The following BCLAF3 variants were observed in gnomAD, a reference collection of about 807,000 sequenced individuals.
BCLAF3 encodes the protein BCLAF1 and THRAP3 family member 3.
In BCLAF3, 24 loss-of-function variants were observed where a neutral mutation model predicts 51.2. The ratio of observed to expected loss-of-function variants is 0.47; its 90% CI spans 0.34 to 0.66. The LOEUF (loss-of-function observed/expected upper bound fraction) is 0.66, where lower values mean the gene tolerates loss of function less well. Among genes scored for constraint, BCLAF3 ranks in the 30% least tolerant of loss-of-function variants. BCLAF3 has a pLI of 0.01. For synonymous variants in BCLAF3, 152 were observed against 176.6 expected (o/e 0.86, Z 1.10); for missense variants, 465 against 525.1 (o/e 0.89, Z 1.12).
chrX:19,949,611 A>G (rs1413514557), intron 8 of BCLAF3, among the ~76,000 whole-genome samples: 1 of 111,499 alleles, frequency 9.0e-6, no homozygotes, highest in Non-Finnish European at 1.9e-5. Context: ...AAGGGACAAC[A>G]TTTTTACTCT....
intron 1 of BCLAF3, among the ~76,000 whole-genome samples, chrX:19,988,920 G>A (rs929571587): frequency 4.5e-5 from 5 of 111,873 alleles, no homozygotes; most frequent in African/African-American, 1.3e-4. Context: ...TAAAAGATGA[G>A]AAGCTGAAGT....
intron 11 of BCLAF3, chrX:19,929,581 T>C: frequency 2.9e-6 from 1 of 344,509 alleles, no homozygotes; most frequent in Non-Finnish European, 5.0e-6. Context: ...GCATAATGCC[T>C]AAAAGCATTT....
At chrX:19,948,572 C>A (rs2071382589) in intron 8 of BCLAF3, among the ~76,000 whole-genome samples, 5 of 109,171 alleles carry the variant, frequency 4.6e-5, no homozygotes, top group Admixed American at 3.9e-4. Context: ...TTGAGACCAG[C>A]CTGGGCAACA....
chrX:19,941,502 T>G (rs1441788991), intron 8 of BCLAF3, among the ~76,000 whole-genome samples: 1 of 105,082 alleles, frequency 9.5e-6, no homozygotes, highest in Non-Finnish European at 1.9e-5. Flanking sequence ...CTAGCCAGTT[T>G]TCCCAGCACC....
At chrX:19,984,072 CAAAAAAA>C (rs1168246147) in intron 1 of BCLAF3, among the ~76,000 whole-genome samples, 2 of 15,424 alleles carry the variant, frequency 1.3e-4, no homozygotes, top group East Asian at 2.2e-3. Context: ...GACTCCATCT[CAAAAAAA>C]AAAAAAAAAA....
In BCLAF3 at chrX:19,955,398, T is replaced by G. The variant is rs1282007409; in HGVS notation, c.1443A>C (p.Gln481His). The change falls in exon 5 of 12, where the codon CAA (glutamine) becomes CAC (histidine). Residue 481 changes from glutamine (Q) to histidine (H), a missense_variant. Transcript: ENST00000379682. ...TGTGCAAAATATACCAACCTTTAAC[T>G]TGATGGATTATTGTTATGATTTCCT... ...FAQEIITIIHQVKANYFPSPG... is the reference protein window; with the variant it reads ...FAQEIITIIHHVKANYFPSPG... 3 of 1,191,899 alleles carry G rather than the reference T, an allele frequency of 2.5e-6. No homozygotes were observed. Among genetic ancestry groups the G allele is most frequent in the African/African-American group, 1.8e-5 (1 of 56,317 alleles).
chrX:19,955,537 T>C lies in BCLAF3; in HGVS notation c.1304A>G (p.Gln435Arg). 8.3e-7 allele frequency: 1 copy of C among 1,199,461 alleles called. No individual in the cohort carries two copies. The highest frequency in any genetic ancestry group is 1.1e-6 in the Non-Finnish European group (1 of 891,022). The stretch of plus-strand genomic sequence containing the variant: ...AACAGCAACCAAATCATGTGACATC[T>C]GTCTCTCTGTGGAATAGCTAGAAGC... Reference protein sequence around the residue: ...RVASSYSTERQMSHDLVAVGR... With the variant: ...RVASSYSTERRMSHDLVAVGR... The change falls in exon 5 of 12, where the codon CAG becomes CGG. Residue 435 changes from glutamine (Q) to arginine (R), a missense_variant. Gln to Arg is a conservative substitution (Grantham distance 43). Transcript: ENST00000379682.
intron 7 of BCLAF3, among the ~76,000 whole-genome samples, chrX:19,951,578 A>T (rs1450560952): frequency 1.2e-5 from 1 of 83,124 alleles, no homozygotes; most frequent in East Asian, 3.1e-4. Flanking sequence ...CCAGGGTGAC[A>T]GAGTGAGACT....
intron 2 of BCLAF3, 67 bp from the exon 3 acceptor site, chrX:19,966,716 C>A: frequency 2.1e-6 from 2 of 959,219 alleles, no homozygotes; most frequent in Non-Finnish European, 1.4e-6. Flanking sequence ...TATGACCTAC[C>A]AAAAACAGTT....
At chrX:19,936,580 C>T (rs1452143916) in intron 9 of BCLAF3, among the ~76,000 whole-genome samples, 4 of 111,603 alleles carry the variant, frequency 3.6e-5, no homozygotes, top group African/African-American at 1.3e-4. Context: ...CCCAGTGATC[C>T]GACCAATTAT....
At chrX:19,951,452 C>T (rs956209126) in intron 7 of BCLAF3, among the ~76,000 whole-genome samples, 8 of 107,033 alleles carry the variant, frequency 7.5e-5, no homozygotes, top group East Asian at 5.9e-4. Context: ...AAAAATTAGC[C>T]GGGCATGGTG....
intron 7 of BCLAF3, among the ~76,000 whole-genome samples, chrX:19,951,326 A>G (rs183618177): frequency 9.0e-6 from 1 of 111,465 alleles, no homozygotes; most frequent in East Asian, 2.8e-4. Flanking sequence ...GGCCGGGCGC[A>G]GTGGCTCATG....
In BCLAF3 at chrX:19,916,835, A is replaced by T. The variant is rs1185774373; in HGVS notation, c.*470T>A. 1.7e-5 allele frequency: 2 copies of T among 115,650 alleles called. No individual in the cohort carries two copies. Among genetic ancestry groups the T allele is most frequent in the Non-Finnish European group, 3.6e-5 (2 of 55,675 alleles). The allele number at this position is 115,650 out of a possible 1,213,427, so 9.5% of individuals were successfully genotyped here. On this transcript the variant is annotated 3_prime_UTR_variant, in exon 12 of 12. Transcript: ENST00000379682. ...AAACTTAAGAAAACTTCGAGTTATA[A>T]GCCAAAATGTCATCAGAAAAAGAAA...
intron 8 of BCLAF3, among the ~76,000 whole-genome samples, chrX:19,938,837 G>A (rs2070883229): frequency 8.9e-6 from 1 of 112,669 alleles, no homozygotes; most frequent in Non-Finnish European, 1.9e-5. Flanking sequence ...CCTCTTCAAG[G>A]AAGAGTTTCC....
At chrX:19,930,247 G>A (rs371817190) in intron 10 of BCLAF3, 4 of 158,782 alleles carry the variant, frequency 2.5e-5, no homozygotes, top group Non-Finnish European at 4.7e-5. Flanking sequence ...GGAGGCGGAC[G>A]TTGCAGCGAG....
intron 10 of BCLAF3, among the ~76,000 whole-genome samples, chrX:19,933,865 G>A (rs1310660029): frequency 9.0e-6 from 1 of 111,514 alleles, no homozygotes; most frequent in East Asian, 2.8e-4. Context: ...CTGCCTCCCA[G>A]GCTGAAGCGA....
chrX:19,983,792 G>A (rs934197678), intron 1 of BCLAF3, among the ~76,000 whole-genome samples: 1 of 109,927 alleles, frequency 9.1e-6, no homozygotes, highest in Non-Finnish European at 1.9e-5. Context: ...TAGGCAGCTG[G>A]GCAAGGTGGC....
chrX:19,926,383 T>C (rs183171614), intron 11 of BCLAF3, among the ~76,000 whole-genome samples: 1 of 111,272 alleles, frequency 9.0e-6, no homozygotes, highest in Non-Finnish European at 1.9e-5. Flanking sequence ...AGGATATACT[T>C]CTTATGTCCT....
At chrX:19,918,904 T>A (rs2070028745) in intron 11 of BCLAF3, among the ~76,000 whole-genome samples, 1 of 110,434 alleles carries the variant, frequency 9.1e-6, no homozygotes, top group Non-Finnish European at 1.9e-5. Context: ...TAGGTTTTCA[T>A]AACATGTCAT....
Sources: gnomAD v4.1 joint callset for allele counts (sites outside exome capture counted in the v4.1 genomes callset) on GRCh38, gnomAD v4.1.1 for gene constraint, MANE v1.5 for transcripts, NCBI Gene and HGNC (gene_info 2026-07-23, HGNC 2026-07-21) for gene names.